ANKRD36: variants seen among roughly 807,000 people sequenced by gnomAD.
ANKRD36 encodes ankyrin repeat domain 36, also known as ankyrin repeat domain-containing protein 36A.
In ANKRD36, 179 loss-of-function variants were observed where a neutral mutation model predicts 278.1. The observed-to-expected ratio is 0.64, with a 90% CI of 0.57 to 0.73. The LOEUF is 0.73. Among genes scored for constraint, ANKRD36 ranks in the 30% least tolerant of loss-of-function variants. The pLI is 0.00. For synonymous variants in ANKRD36, 320 were observed against 641.1 expected (o/e 0.50, Z 7.57); for missense variants, 1,159 against 1,956.7 (o/e 0.59, Z 7.69).
At chr2:97,226,998 T>A (rs2069959895) in intron 67 of ANKRD36, among the ~76,000 whole-genome samples, 1 of 152,234 alleles carries the variant, frequency 6.6e-6, no homozygotes, top group East Asian at 2.0e-4. Context: ...TCTGTTTTGG[T>A]ACCAGTACCA....
chr2:97,136,326 G>A (rs2443898), intron 6 of ANKRD36, among the ~76,000 whole-genome samples: 41 of 150,844 alleles, frequency 2.7e-4, no homozygotes, highest in East Asian at 2.4e-3. Context: ...CTTTCCCCCC[G>A]TATCTTGCAC....
At chr2:97,213,155 T>C (rs1428397513) in intron 58 of ANKRD36, 3 of 310,512 alleles carry the variant, frequency 9.7e-6, no homozygotes, top group African/African-American at 6.7e-5. Flanking sequence ...CATATCCACA[T>C]TGATATTGAC....
At chr2:97,114,050 G>C (rs2034403827) in intron 1 of ANKRD36, 114 bp downstream of exon 1, 2 of 1,500,438 alleles carry the variant, frequency 1.3e-6, no homozygotes, top group African/African-American at 2.8e-5. Flanking sequence ...GTTTGGACGG[G>C]GGCTAGGGGG....
At chr2:97,143,268 G>A (rs2043380865) in intron 8 of ANKRD36, among the ~76,000 whole-genome samples, 2 of 151,910 alleles carry the variant, frequency 1.3e-5, no homozygotes, top group South Asian at 4.2e-4. Context: ...CTCTGATGTG[G>A]TAATTATTTT....
intron 38 of ANKRD36, among the ~76,000 whole-genome samples, chr2:97,193,503 A>C (rs947627376): frequency 1.6e-5 from 2 of 123,684 alleles, no homozygotes; most frequent in African/African-American, 5.2e-5. Context: ...TTTCCTAAGG[A>C]AGACGGATTG....
At chr2:97,204,670 G>C (rs551348556) in intron 50 of ANKRD36, among the ~76,000 whole-genome samples, 181 of 151,686 alleles carry the variant, frequency 1.2e-3, no homozygotes, top group Middle Eastern at 3.4e-3. Flanking sequence ...GACACTGTAG[G>C]AGAACTAAGG....
chr2:97,194,834 A>G lies in ANKRD36; in HGVS notation c.2479-11A>G. The G allele has an allele frequency of 2.5e-6, 4 of 1,596,194 alleles. No homozygotes were observed. Among genetic ancestry groups the G allele is most frequent in the Non-Finnish European group, 3.4e-6 (4 of 1,175,750 alleles). ...TACCTTATTTATTATTTTGTTTCAA[A>G]TTCCACTCAGGCTACAAGTGATGAG... is the stretch of plus-strand genomic sequence containing the variant. On this transcript the variant is annotated splice_polypyrimidine_tract_variant and intron_variant, in intron 39 of 75. Coordinates refer to ENST00000420699, the MANE Select transcript of ANKRD36 (RefSeq NM_001354587.1).
chr2:97,159,365 C>T (rs1218373145), intron 17 of ANKRD36, among the ~76,000 whole-genome samples: 1 of 151,992 alleles, frequency 6.6e-6, no homozygotes, highest in South Asian at 2.1e-4. Context: ...CTCTGTTACC[C>T]TCATTAGATT....
intron 12 of ANKRD36, among the ~76,000 whole-genome samples, 197 bp downstream of exon 12, chr2:97,149,558 T>C (rs2045352057): frequency 2.0e-5 from 3 of 151,598 alleles, no homozygotes; most frequent in African/African-American, 7.3e-5. Flanking sequence ...AAATAGTTGA[T>C]AAATACTTTG....
chr2:97,154,743 T>C lies in ANKRD36; in HGVS notation c.1260+2T>C, dbSNP rs760747210. 6.1e-6 allele frequency: 9 copies of C among 1,482,246 alleles called. No individual in the cohort carries two copies. The highest frequency in any genetic ancestry group is 3.6e-5 in the South Asian group (3 of 83,108). 91.8% of individuals were successfully genotyped at this position (1,482,246 alleles called of 1,614,324 possible). A position where few individuals can be genotyped will look rare whatever the true frequency, so the allele number is the denominator to read the frequency against. ...GATAAGTTTGCTTTGGAATCTGAGG[T>C]AGAGTACTCTCTTGTGAAATTAATT... On this transcript the variant is annotated splice_donor_variant, in intron 15 of 75. Transcript: ENST00000420699. LOFTEE classifies it high-confidence loss of function.
intron 6 of ANKRD36, 38 bp downstream of exon 6, chr2:97,127,172 A>G (rs2038846959): frequency 2.4e-6 from 2 of 833,344 alleles, no homozygotes; most frequent in Non-Finnish European, 3.5e-6. Flanking sequence ...TGATGGTACT[A>G]CCATAGATAA....
intron 11 of ANKRD36, among the ~76,000 whole-genome samples, chr2:97,147,927 A>C (rs1333882122): frequency 1.3e-5 from 2 of 151,908 alleles, no homozygotes; most frequent in African/African-American, 4.8e-5. Flanking sequence ...GGAGTTCTGA[A>C]GAGTTTGCTG....
intron 56 of ANKRD36, 118 bp from the exon 57 acceptor site, chr2:97,211,428 G>A (rs1351320546): frequency 2.0e-5 from 29 of 1,467,058 alleles, no homozygotes; most frequent in Middle Eastern, 4.9e-4. Flanking sequence ...AGTAGAAGCC[G>A]TCAAGGCCTA....
chr2:97,155,974 C>T (rs1416847260), intron 15 of ANKRD36, among the ~76,000 whole-genome samples: 1 of 145,270 alleles, frequency 6.9e-6, no homozygotes, highest in South Asian at 2.1e-4. Context: ...CTTGAATGTT[C>T]TGAATTTATC....
rs1411697314 is a variant in ANKRD36 at position 97,209,703 on chromosome 2, C to T, written c.3288C>T (p.Ala1096=). ...TKRVSSRKKP[A]LKATSDEKDS... ...CAGTGTCTTCTCGGAAAAAACCAGC[C>T]TTGAAGGTAATGAAACTCTCATTCA... Residue 1096 remains alanine, a synonymous_variant, in exon 55 of 76, where the codon GCC becomes GCT. Coordinates refer to ENST00000420699, the MANE Select transcript of ANKRD36 (RefSeq NM_001354587.1). 6.3e-7 allele frequency: 1 copy of T among 1,584,282 alleles called. No homozygotes were observed. Among genetic ancestry groups the T allele is most frequent in the South Asian group, 1.1e-5 (1 of 90,088 alleles).
intron 20 of ANKRD36, among the ~76,000 whole-genome samples, chr2:97,165,730 C>T (rs959459221): frequency 2.6e-5 from 4 of 152,160 alleles, no homozygotes; most frequent in Admixed American, 6.6e-5. Context: ...AATGCCTCAC[C>T]GCTGTGTTTT....
At chr2:97,224,179 T>G (rs62156182) in intron 66 of ANKRD36, among the ~76,000 whole-genome samples, 48,253 of 143,242 alleles carry the variant, frequency 0.34, 8,096 homozygotes, top group South Asian at 0.63. Flanking sequence ...GTGCTGTTAC[T>G]TTTTCTGTTT....
At chr2:97,166,083 T>G (rs1257358281) in intron 20 of ANKRD36, among the ~76,000 whole-genome samples, 2 of 151,002 alleles carry the variant, frequency 1.3e-5, no homozygotes, top group Non-Finnish European at 3.0e-5. Context: ...CACATAATGG[T>G]GTAATGTGTA....
At chr2:97,227,456 T>C (rs1241436100) in intron 67 of ANKRD36, among the ~76,000 whole-genome samples, 2 of 152,132 alleles carry the variant, frequency 1.3e-5, no homozygotes, top group East Asian at 2.0e-4. Flanking sequence ...AGAATGCTTA[T>C]GATTTTTTAC....
Sources: allele counts gnomAD v4.1 joint callset (sites outside exome capture counted in the v4.1 genomes callset), GRCh38; gene constraint gnomAD v4.1.1; transcripts MANE v1.5; gene names NCBI Gene and HGNC (gene_info 2026-07-23, HGNC 2026-07-21).